Variants in MREG observed in about 807,000 individuals in gnomAD.
MREG encodes melanoregulin, also known as dilute suppressor protein homolog.
In MREG, 31 loss-of-function variants were observed where a neutral mutation model predicts 28.5. The observed-to-expected ratio is 1.09, with a 90% CI of 0.82 to 1.47. The LOEUF (loss-of-function observed/expected upper bound fraction) is 1.47. Among genes scored for constraint, MREG ranks in the 40% most tolerant of loss-of-function variants. The pLI is 0.00. For missense variants in MREG, 256 were observed against 257.4 expected (o/e 0.99, Z 0.04); for synonymous variants, 106 against 95.2 (o/e 1.11, Z -0.66).
At chr2:215,961,707 A>G (rs1468065485) in intron 2 of MREG, among the ~76,000 whole-genome samples, 1 of 152,134 alleles carries the variant, frequency 6.6e-6, no homozygotes, top group Non-Finnish European at 1.5e-5. Context: ...GATTACAGGC[A>G]TAAGCCACCA....
chr2:215,969,038 C>A (rs916509650), intron 2 of MREG, among the ~76,000 whole-genome samples: 1 of 152,194 alleles, frequency 6.6e-6, no homozygotes, highest in African/African-American at 2.4e-5. Context: ...GGATTACAGG[C>A]GTGAGCCACT....
intron 1 of MREG, among the ~76,000 whole-genome samples, chr2:215,997,384 A>C (rs965082409): frequency 5.9e-5 from 9 of 152,210 alleles, no homozygotes; most frequent in Non-Finnish European, 1.0e-4. Flanking sequence ...ACAGAGCATC[A>C]CATCTGGGGC....
chr2:216,033,985 C>G (rs1330410699), upstream of MREG: 1 of 152,196 alleles, frequency 6.6e-6, no homozygotes, highest in African/African-American at 2.4e-5. Context: ...GGTTTAGAAT[C>G]TTCCCGCTGG....
intron 2 of MREG, among the ~76,000 whole-genome samples, chr2:215,972,564 C>A (rs962438196): frequency 6.8e-6 from 1 of 146,806 alleles, no homozygotes; most frequent in Non-Finnish European, 1.5e-5. Flanking sequence ...TGCGGTGAGC[C>A]GAGATTGTGC....
chr2:216,003,774 A>G (rs1483125317), intron 1 of MREG, among the ~76,000 whole-genome samples: 1 of 152,042 alleles, frequency 6.6e-6, no homozygotes, highest in Non-Finnish European at 1.5e-5. Context: ...CTCATCCCCT[A>G]TATCTATCCA....
At chr2:215,976,696 C>T (rs1693270208) in intron 2 of MREG, among the ~76,000 whole-genome samples, 1 of 152,186 alleles carries the variant, frequency 6.6e-6, no homozygotes, top group African/African-American at 2.4e-5. Flanking sequence ...AGAAACTCTA[C>T]AAGCCAGAAG....
intron 2 of MREG, among the ~76,000 whole-genome samples, chr2:215,995,702 T>C (rs1242416392): frequency 6.6e-6 from 1 of 152,124 alleles, no homozygotes; most frequent in African/African-American, 2.4e-5. Context: ...ATGATTGTCT[T>C]TGCTGTTGTT....
At chr2:215,969,350 T>A (rs1343544738) in intron 2 of MREG, among the ~76,000 whole-genome samples, 1 of 152,140 alleles carries the variant, frequency 6.6e-6, no homozygotes. Flanking sequence ...ATGATCAACA[T>A]CTGAACCACA....
At chr2:216,015,345 C>A (rs1477341990), upstream of MREG, among the ~76,000 whole-genome samples, 1 of 151,706 alleles carries the variant, frequency 6.6e-6, no homozygotes, top group Non-Finnish European at 1.5e-5. Context: ...GTATTTCAGG[C>A]GGAGTGAATA....
downstream of MREG, among the ~76,000 whole-genome samples, chr2:215,940,297 C>G (rs146493250): frequency 2.1e-4 from 32 of 152,094 alleles, no homozygotes; most frequent in Admixed American, 2.0e-4. Flanking sequence ...TCATCCTGTA[C>G]GTAGTTGTGA....
intron 2 of MREG, among the ~76,000 whole-genome samples, chr2:215,987,246 A>G (rs563201044): frequency 2.1e-4 from 32 of 150,872 alleles, no homozygotes; most frequent in South Asian, 1.5e-3. Flanking sequence ...AGAAAACATA[A>G]GCAACTTTTT....
rs183506201 is a variant in MREG, at chr2:215,952,042, T to C, written c.256-4929A>G. 1.7e-4 allele frequency among the ~76,000 whole-genome samples: 26 copies of C among 152,354 alleles called. No individual in the cohort carries two copies. The Middle Eastern group carries it at 0.014, about 80-fold the overall frequency. ...TAATTGTCTCTCTGCGCTTGGCTTA[T>C]TGCACTCAACACAATGACCTCTAGG... On this transcript the variant is annotated intron_variant, in intron 2 of 4. Coordinates refer to ENST00000263268, the MANE Select transcript of MREG (RefSeq NM_018000.3).
At chr2:215,960,296 T>G (rs1037573964) in intron 2 of MREG, among the ~76,000 whole-genome samples, 1 of 152,186 alleles carries the variant, frequency 6.6e-6, no homozygotes, top group Admixed American at 6.5e-5. Flanking sequence ...GTCTCCTTTA[T>G]CACCAGAGTA....
chr2:216,013,919 T>G (rs568518183), upstream of MREG, among the ~76,000 whole-genome samples: 24 of 151,366 alleles, frequency 1.6e-4, no homozygotes, highest in Non-Finnish European at 2.7e-4. Context: ...CGGCGTAGGG[T>G]TTTTTTTTAA....
At chr2:215,961,702 C>A (rs1692795070) in intron 2 of MREG, among the ~76,000 whole-genome samples, 1 of 152,158 alleles carries the variant, frequency 6.6e-6, no homozygotes, top group Non-Finnish European at 1.5e-5. Context: ...GCGGGGATTA[C>A]AGGCATAAGC....
chr2:216,002,387 G>T (rs1179454037), intron 1 of MREG, among the ~76,000 whole-genome samples: 2 of 152,088 alleles, frequency 1.3e-5, no homozygotes, highest in Non-Finnish European at 2.9e-5. Flanking sequence ...TACTAACAAG[G>T]GCTGCATGTA....
chr2:216,012,977 C>T (rs1421326985), intron 1 of MREG, among the ~76,000 whole-genome samples: 1 of 152,182 alleles, frequency 6.6e-6, no homozygotes, highest in Admixed American at 6.5e-5. Flanking sequence ...GGTAGGACAC[C>T]CGAATTCTTG....
At chr2:215,966,827 C>G (rs543069381) in intron 2 of MREG, among the ~76,000 whole-genome samples, 1 of 152,266 alleles carries the variant, frequency 6.6e-6, no homozygotes, top group African/African-American at 2.4e-5. Context: ...GTCTCGAACT[C>G]CTGACCTCGT....
intron 2 of MREG, among the ~76,000 whole-genome samples, chr2:215,958,929 T>A (rs1336351303): frequency 2.0e-5 from 3 of 152,134 alleles, no homozygotes; most frequent in African/African-American, 7.2e-5. Flanking sequence ...CCCACCACCC[T>A]GTGAGGTGGG....
Sources: gnomAD v4.1 joint callset for allele counts (sites outside exome capture counted in the v4.1 genomes callset) on GRCh38, gnomAD v4.1.1 for gene constraint, MANE v1.5 for transcripts, NCBI Gene and HGNC (gene_info 2026-07-23, HGNC 2026-07-21) for gene names.